Variants in R3HDM1 observed in about 807,000 individuals in gnomAD.
The protein encoded by R3HDM1 is R3H domain-containing protein 1.
Under a neutral mutation model 141.1 loss-of-function variants are expected in R3HDM1, and 46 were observed. That is an observed-to-expected ratio of 0.33 (90% CI 0.26 to 0.42). The LOEUF is 0.42. R3HDM1 is among the 10% of genes least tolerant of loss of function. The pLI, the probability that R3HDM1 is intolerant of heterozygous loss-of-function variation, is 1.00. For missense variants in R3HDM1, 1,184 were observed against 1,368.3 expected (o/e 0.87, Z 2.12); for synonymous variants, 435 against 472.9 (o/e 0.92, Z 1.04).
At chr2:135,551,770 C>G (rs1027945074) in intron 1 of R3HDM1, among the ~76,000 whole-genome samples, 3 of 152,056 alleles carry the variant, frequency 2.0e-5, no homozygotes, top group Non-Finnish European at 4.4e-5. Context: ...CTTTCTAGTT[C>G]TATAGCTTTT....
chr2:135,555,030 G>A (rs1281886591), intron 1 of R3HDM1, among the ~76,000 whole-genome samples: 2 of 152,064 alleles, frequency 1.3e-5, no homozygotes, highest in African/African-American at 2.4e-5. Flanking sequence ...AGTCGGGCGT[G>A]GTGGTTCACG....
At chr2:135,651,296 AG>A in intron 17 of R3HDM1, 1 of 984,914 alleles carries the variant, frequency 1.0e-6, no homozygotes, top group Non-Finnish European at 1.2e-6. Context: ...TTTGCCTTCT[AG>A]GAAGAGGGGA....
At chr2:135,677,321 T>C (rs1270828397) in intron 20 of R3HDM1, among the ~76,000 whole-genome samples, 2 of 152,164 alleles carry the variant, frequency 1.3e-5, no homozygotes, top group African/African-American at 4.8e-5. Context: ...TCCCCCATGC[T>C]TCTGACCCCT....
chr2:135,652,148 C>T, intron 18 of R3HDM1, 116 bp downstream of exon 18: 1 of 1,405,224 alleles, frequency 7.1e-7, no homozygotes. Flanking sequence ...AGTATATAAA[C>T]AAAGCATATA....
intron 24 of R3HDM1, 69 bp downstream of exon 24, chr2:135,715,763 T>TTGATAAA: frequency 6.6e-6 from 10 of 1,522,864 alleles, no homozygotes; most frequent in African/African-American, 1.4e-5. Context: ...ACTTGGTAAT[T>TTGATAAA]TATCTTGGTA....
At chr2:135,672,771 T>C (rs2105336481) in intron 19 of R3HDM1, among the ~76,000 whole-genome samples, 1 of 151,980 alleles carries the variant, frequency 6.6e-6, no homozygotes, top group Non-Finnish European at 1.5e-5. Context: ...GTGTGGCAAT[T>C]AGTGGGCATG....
intron 18 of R3HDM1, among the ~76,000 whole-genome samples, chr2:135,654,019 G>A (rs998708770): frequency 7.9e-5 from 12 of 151,966 alleles, no homozygotes; most frequent in African/African-American, 2.9e-4. Flanking sequence ...CATTTTAGTT[G>A]CATTTAGTAC....
At chr2:135,596,966 A>G (rs1302007069) in intron 1 of R3HDM1, 1 of 935,024 alleles carries the variant, frequency 1.1e-6, no homozygotes, top group Non-Finnish European at 1.3e-6. Context: ...TTCATTTGAT[A>G]GCACAAATTG....
At chr2:135,640,934 A>C (rs1311067381) in intron 14 of R3HDM1, among the ~76,000 whole-genome samples, 1 of 152,242 alleles carries the variant, frequency 6.6e-6, no homozygotes, top group Non-Finnish European at 1.5e-5. Context: ...AGTACTTGGA[A>C]TATATTTCAT....
chr2:135,717,678 C>T (rs1210479070), intron 24 of R3HDM1, among the ~76,000 whole-genome samples: 2 of 152,146 alleles, frequency 1.3e-5, no homozygotes, highest in Non-Finnish European at 2.9e-5. Context: ...GCAAAATCCA[C>T]ATGTGAGTAT....
At position 135,616,692 on chromosome 2, in the gene R3HDM1, C is replaced by T. The variant is rs1157007126; in HGVS notation, c.238C>T (p.Arg80Trp). 1.9e-6 allele frequency: 3 copies of T among 1,608,250 alleles called. No individual in the cohort carries two copies. Among genetic ancestry groups the T allele is most frequent in the Non-Finnish European group, 2.6e-6 (3 of 1,176,454 alleles). The change falls in exon 5 of 27, where the codon CGG becomes TGG. Residue 80 changes from arginine (R) to tryptophan (W), a missense_variant. Arg to Trp is a moderately radical substitution (Grantham distance 101). Transcript: ENST00000683871. ...GTCAAGCTCAAAGTTAAAGCTAGTT[C>T]GGAGCCTTGCAGTGTGTGAAGAATC... ...SKSSSKLKLV[R>W]SLAVCEESPP...
chr2:135,549,621 A>G (rs952027006), intron 1 of R3HDM1, among the ~76,000 whole-genome samples: 1 of 151,806 alleles, frequency 6.6e-6, no homozygotes, highest in Non-Finnish European at 1.5e-5. Context: ...CTGAGGCTGA[A>G]CTGAAACTCC....
At chr2:135,685,679 C>G (rs1255693940) in intron 21 of R3HDM1, among the ~76,000 whole-genome samples, 1 of 152,160 alleles carries the variant, frequency 6.6e-6, no homozygotes, top group Non-Finnish European at 1.5e-5. Context: ...TCCCACTGAT[C>G]TGATACCAGG....
intron 1 of R3HDM1, among the ~76,000 whole-genome samples, chr2:135,587,655 A>G (rs1559177132): frequency 6.6e-6 from 1 of 152,220 alleles, no homozygotes; most frequent in Non-Finnish European, 1.5e-5. Context: ...TGAGAACTAT[A>G]AAAGAAAAAA....
chr2:135,608,085 G>A (rs2060230082), intron 3 of R3HDM1: 1 of 629,330 alleles, frequency 1.6e-6, no homozygotes. Flanking sequence ...GGAGGCCAAG[G>A]TGGGCGGGTC....
intron 21 of R3HDM1, among the ~76,000 whole-genome samples, chr2:135,697,878 AC>A (rs2073497444): frequency 6.6e-6 from 1 of 151,794 alleles, no homozygotes; most frequent in South Asian, 2.1e-4. Flanking sequence ...ATATAGTGAA[AC>A]CCCATCTCTA....
At chr2:135,556,562 AG>A (rs1450102660) in intron 1 of R3HDM1, among the ~76,000 whole-genome samples, 1 of 147,346 alleles carries the variant, frequency 6.8e-6, no homozygotes, top group East Asian at 2.0e-4. Flanking sequence ...TCTGTCCCCC[AG>A]GCTGGAGTGC....
At chr2:135,614,330 A>C (rs1255235260) in intron 3 of R3HDM1, among the ~76,000 whole-genome samples, 1 of 152,214 alleles carries the variant, frequency 6.6e-6, no homozygotes, top group Admixed American at 6.5e-5. Context: ...TGTTAGATTA[A>C]GTAATTTTTC....
Position 135,641,596 on chromosome 2 carries a change from C to G in R3HDM1, c.1280C>G (p.Pro427Arg). The change falls in exon 15 of 27, where the codon CCT (proline) becomes CGT (arginine). Residue 427 changes from proline to arginine, a missense_variant. Transcript: ENST00000683871. ...GGCTCTCTTTCTCACATCCAGCAGC[C>G]TCTTCCAGGTACAGCTCTCAGCCAG... ...STGSLSHIQQ[P>R]LPGTALSQSS... 6.2e-7 allele frequency: 1 copy of G among 1,614,124 alleles called. No individual in the cohort carries two copies. The highest frequency in any genetic ancestry group is 2.2e-5 in the East Asian group (1 of 44,872).
Sources: allele counts gnomAD v4.1 joint callset (sites outside exome capture counted in the v4.1 genomes callset), GRCh38; gene constraint gnomAD v4.1.1; transcripts MANE v1.5; gene names NCBI Gene and HGNC (gene_info 2026-07-23, HGNC 2026-07-21).